The following SYTL2 variants were observed in gnomAD, a reference collection of about 807,000 sequenced individuals.
The protein encoded by SYTL2 is synaptotagmin-like protein 2.
In SYTL2, 165 loss-of-function variants were observed where a neutral mutation model predicts 198.7. The ratio of observed to expected loss-of-function variants is 0.83; its 90% CI spans 0.73 to 0.94. The LOEUF (loss-of-function observed/expected upper bound fraction) is 0.94, where lower values mean the gene tolerates loss of function less well. SYTL2 is among the 40% of genes least tolerant of loss of function. SYTL2 has a pLI of 0.00. For synonymous variants in SYTL2, 966 were observed against 917.7 expected (o/e 1.05, Z -0.95); for missense variants, 2,835 against 2,582.8 (o/e 1.10, Z -2.12).
chr11:85,710,982 A>C, intron 13 of SYTL2, 131 bp downstream of exon 13: 1 of 945,652 alleles, frequency 1.1e-6, no homozygotes, highest in Middle Eastern at 3.0e-4. Context: ...GCCAGAAGCT[A>C]ATTATGGATT....
chr11:85,717,644 C>A, intron 10 of SYTL2, 114 bp from the exon 11 acceptor site: 1 of 872,804 alleles, frequency 1.1e-6, no homozygotes, highest in East Asian at 2.5e-5. Context: ...ATACATCTGA[C>A]AGGTTTTCAT....
the SYTL2 span, among the ~76,000 whole-genome samples, chr11:85,825,700 GA>G: frequency 6.6e-6 from 1 of 152,174 alleles, no homozygotes; most frequent in East Asian, 1.9e-4. Context: ...AAAATATCAA[GA>G]AAAAGGTGCA....
Position 85,696,360 on chromosome 11 carries a change from T to C in SYTL2, c.6397A>G (p.Ser2133Gly), listed in dbSNP as rs765487489. The change falls in exon 19 of 20, where the codon AGT (serine) becomes GGT (glycine). Residue 2133 changes from serine (S) to glycine (G), a missense_variant. Coordinates refer to ENST00000359152, the MANE Select transcript of SYTL2 (RefSeq NM_206927.4). Reference sequence around the variant, plus strand: ...CCTACAGCTCTTGTCTTCTGGCGACTTTTCCTACTTGTATCTGGAAGGATG... The same window carrying C: ...CCTACAGCTCTTGTCTTCTGGCGACCTTTCCTACTTGTATCTGGAAGGATG... ...CTILPDTSRK[S>G]RQKTRAVGKT... The C allele has an allele frequency of 6.2e-7, 1 of 1,613,968 alleles. No individual in the cohort carries two copies. Among genetic ancestry groups the C allele is most frequent in the East Asian group, 2.2e-5 (1 of 44,886 alleles).
intron 4 of SYTL2, among the ~76,000 whole-genome samples, chr11:85,738,768 A>T (rs2090557435): frequency 6.6e-6 from 1 of 152,130 alleles, no homozygotes; most frequent in Admixed American, 6.5e-5. Flanking sequence ...CTTAGTAAAT[A>T]AAGCAGTTAC....
chr11:85,807,639 T>A (rs1385585091), intron 1 of SYTL2, among the ~76,000 whole-genome samples: 1 of 152,250 alleles, frequency 6.6e-6, no homozygotes, highest in African/African-American at 2.4e-5. Flanking sequence ...TGCAAATTAC[T>A]GTGCAAATTA....
At chr11:85,695,916 G>C (rs1294827637) in intron 19 of SYTL2, among the ~76,000 whole-genome samples, 3 of 152,142 alleles carry the variant, frequency 2.0e-5, no homozygotes, top group Non-Finnish European at 4.4e-5. Flanking sequence ...TTGCAGGGCA[G>C]ACTAGTGATG....
At chr11:85,853,353 G>A in the SYTL2 span, 7 of 443,776 alleles carry the variant, frequency 1.6e-5, no homozygotes, top group Non-Finnish European at 2.7e-5. Context: ...GTTGATCTAT[G>A]ACCTTGCCCC....
intron 1 of SYTL2, among the ~76,000 whole-genome samples, chr11:85,804,669 G>A (rs2092934381): frequency 6.6e-6 from 1 of 152,112 alleles, no homozygotes; most frequent in Non-Finnish European, 1.5e-5. Flanking sequence ...ACTTGCTTCA[G>A]ACTGTTTTTC....
At chr11:85,737,500 G>T in intron 5 of SYTL2, 75 bp downstream of exon 5, 1 of 1,149,428 alleles carries the variant, frequency 8.7e-7, no homozygotes, top group Non-Finnish European at 1.3e-6. Flanking sequence ...TCTTTATTTT[G>T]TGGTGCTTTG....
chr11:85,831,284 C>T, the SYTL2 span, among the ~76,000 whole-genome samples: 2 of 152,198 alleles, frequency 1.3e-5, no homozygotes, highest in African/African-American at 4.8e-5. Context: ...CAGGGCACCA[C>T]TGTGAAAAGC....
At chr11:85,757,101 C>T (rs966869650) in intron 2 of SYTL2, among the ~76,000 whole-genome samples, 2 of 152,220 alleles carry the variant, frequency 1.3e-5, no homozygotes, top group Admixed American at 1.3e-4. Context: ...AAAGTTGCCA[C>T]TCCTCTTTAT....
At chr11:85,714,551 C>A in intron 11 of SYTL2, 44 bp from the exon 12 acceptor site, 3 of 1,586,366 alleles carry the variant, frequency 1.9e-6, no homozygotes, top group South Asian at 2.2e-5. Context: ...TTACAATTGT[C>A]AGAAAACATT....
intron 1 of SYTL2, among the ~76,000 whole-genome samples, chr11:85,804,392 C>T (rs11234417): frequency 0.016 from 2,432 of 152,250 alleles, 30 homozygotes; most frequent in Non-Finnish European, 0.027. Flanking sequence ...AGATTATCTT[C>T]CAAAGATCCA....
intron 5 of SYTL2, among the ~76,000 whole-genome samples, 186 bp downstream of exon 5, chr11:85,737,389 A>C (rs1410794792): frequency 1.3e-5 from 2 of 152,196 alleles, no homozygotes; most frequent in Non-Finnish European, 2.9e-5. Flanking sequence ...CATGGTATCC[A>C]TCCACTTTTT....
rs2089242809 is a variant in SYTL2 at position 85,726,771 on chromosome 11, C to T, written c.2587G>A (p.Asp863Asn). The T allele has an allele frequency of 1.3e-6, 2 of 1,536,146 alleles. No individual in the cohort carries two copies. Among genetic ancestry groups the T allele is most frequent in the Non-Finnish European group, 1.7e-6 (2 of 1,146,906 alleles). Residue 863 changes from aspartate to asparagine, a missense_variant, in exon 8 of 20, where the codon GAT becomes AAT. This residue lies in a region of SYTL2 where 2,645 missense variants were observed against 2,381.7 expected (regional missense o/e 1.11). Transcript: ENST00000359152. ...GAATTGGAGAGCTGGGATGCTTGAT[C>T]ATCCTCATCTAAGACCACTCGTTTG... ...IPKRVVLDEDDQASQLSNSYS... is the reference protein window; with the variant it reads ...IPKRVVLDEDNQASQLSNSYS...
chr11:85,804,225 A>G (rs2092928205), intron 1 of SYTL2, among the ~76,000 whole-genome samples: 1 of 152,214 alleles, frequency 6.6e-6, no homozygotes, highest in African/African-American at 2.4e-5. Context: ...AATTTTTGCA[A>G]CAAGCCCATT....
At position 85,720,915 on chromosome 11, in the gene SYTL2, T is replaced by C. The variant is rs181055796; in HGVS notation, c.5371A>G (p.Ser1791Gly). The C allele has an allele frequency of 1.1e-5, 17 of 1,613,668 alleles. No individual in the cohort carries two copies. In the East Asian group the frequency reaches 3.3e-4, roughly 32 times the overall value. The change falls in exon 9 of 20, where the codon AGT becomes GGT. Residue 1791 changes from serine (S) to glycine (G), a missense_variant. Physicochemically the swap from Ser to Gly is moderately conservative, Grantham distance 56. Around this residue, in one of 3 missense-constraint regions of SYTL2, gnomAD observed 2,645 missense variants for 2,381.7 expected, o/e 1.11. Transcript: ENST00000359152. The part of the protein sequence containing the change: ...PSPVLKTLER[S>G]AARKMPSKSL... ...TTGGAAGGCATTTTCCTAGCGGCACTCCTTTCCAAAGTTTTCAAAACAGGA... is the reference window on the plus strand; with the variant it reads ...TTGGAAGGCATTTTCCTAGCGGCACCCCTTTCCAAAGTTTTCAAAACAGGA...
chr11:85,757,863 T>C lies in SYTL2; in HGVS notation c.-138A>G. 3 of 1,326,090 alleles carry C rather than the reference T, an allele frequency of 2.3e-6. No individual in the cohort carries two copies. Among genetic ancestry groups the C allele is most frequent in the African/African-American group, 1.5e-5 (1 of 68,438 alleles). The allele number at this position is 1,326,090 out of a possible 1,614,324, so 82.1% of individuals were successfully genotyped here. ...TTCAGTTCTGCATCAAAGTCTTATT[T>C]TGGCTCAGCAAAAGTTTAGGGCAGC... is the stretch of plus-strand genomic sequence containing the variant. On this transcript the variant is annotated 5_prime_UTR_variant, in exon 2 of 20. Coordinates refer to ENST00000359152, the MANE Select transcript of SYTL2 (RefSeq NM_206927.4).
At chr11:85,704,767 G>C in intron 16 of SYTL2, 91 bp downstream of exon 16, 1 of 1,029,220 alleles carries the variant, frequency 9.7e-7, no homozygotes, top group Non-Finnish European at 1.4e-6. Context: ...CTACAGATCT[G>C]TACTCTGAAT....
Sources: gnomAD v4.1 joint callset for allele counts (sites outside exome capture counted in the v4.1 genomes callset) on GRCh38, gnomAD v4.1.1 for gene constraint, gnomAD v4.1.1 regional missense constraint, MANE v1.5 for transcripts, NCBI Gene and HGNC (gene_info 2026-07-23, HGNC 2026-07-21) for gene names.